Variants in DNAH5 observed in about 807,000 individuals in gnomAD.
The protein encoded by DNAH5 is dynein axonemal heavy chain 5.
In DNAH5, 372 loss-of-function variants were observed where a neutral mutation model predicts 518.2. The observed-to-expected ratio is 0.72, with a 90% CI of 0.66 to 0.78. The LOEUF (loss-of-function observed/expected upper bound fraction) is 0.78. Among genes scored for constraint, DNAH5 ranks in the 30% least tolerant of loss-of-function variants. The probability of loss-of-function intolerance (pLI) is 0.00; values close to 1 mark genes in which losing one functional copy is unlikely to be tolerated. For synonymous variants in DNAH5, 2,039 were observed against 2,025.9 expected, an observed-to-expected ratio of 1.01 and a Z score of -0.17; for missense variants, 5,523 against 5,687.0, an observed-to-expected ratio of 0.97 and a Z score of 0.93.
At chr5:13,699,377 T>A (rs1741777672) in intron 78 of DNAH5, among the ~76,000 whole-genome samples, 1 of 152,224 alleles carries the variant, frequency 6.6e-6, no homozygotes, top group Non-Finnish European at 1.5e-5. Context: ...CCTAAGGTTA[T>A]GGCTGGTAAC....
chr5:13,905,877 A>G (rs72634797), intron 12 of DNAH5, among the ~76,000 whole-genome samples: 12,702 of 152,274 alleles, frequency 0.083, 1,344 homozygotes, highest in African/African-American at 0.25. Flanking sequence ...TAACCAAGAT[A>G]TCTTTCAATG....
At chr5:13,969,198 T>C (rs1184510134) in intron 1 of DNAH5, among the ~76,000 whole-genome samples, 8 of 152,200 alleles carry the variant, frequency 5.3e-5, no homozygotes, top group Admixed American at 3.9e-4. Context: ...CTTATTTGGA[T>C]CTTCTCTCTT....
intron 23 of DNAH5, 51 bp downstream of exon 23, chr5:13,871,513 C>A: frequency 6.8e-7 from 1 of 1,461,312 alleles, no homozygotes; most frequent in South Asian, 1.1e-5. Flanking sequence ...GGTAAAGAGG[C>A]AGAACAATAA....
intron 15 of DNAH5, chr5:13,898,562 A>T: frequency 2.5e-6 from 1 of 398,582 alleles, no homozygotes; most frequent in Non-Finnish European, 4.4e-6. Flanking sequence ...TTCTGGTCTT[A>T]CTTCTGCCAC....
At chr5:13,954,073 T>C (rs996378448) in intron 1 of DNAH5, among the ~76,000 whole-genome samples, 1 of 152,156 alleles carries the variant, frequency 6.6e-6, no homozygotes, top group Non-Finnish European at 1.5e-5. Context: ...TGGTAAAATA[T>C]TTTTTCTACA....
At chr5:13,983,361 G>A (rs1782818820) in intron 1 of DNAH5, among the ~76,000 whole-genome samples, 1 of 152,170 alleles carries the variant, frequency 6.6e-6, no homozygotes, top group South Asian at 2.1e-4. Flanking sequence ...TGAACTTTTA[G>A]TTCTCAGGAA....
At chr5:13,969,214 C>A (rs923748946) in intron 1 of DNAH5, among the ~76,000 whole-genome samples, 1 of 152,084 alleles carries the variant, frequency 6.6e-6, no homozygotes, top group Non-Finnish European at 1.5e-5. Context: ...CTCTTCTCTT[C>A]TTAATTAATC....
chr5:13,993,627 C>A (rs886789700), intron 1 of DNAH5, among the ~76,000 whole-genome samples: 1 of 152,168 alleles, frequency 6.6e-6, no homozygotes, highest in Non-Finnish European at 1.5e-5. Flanking sequence ...AGCTTAAGGG[C>A]ATAAATAACG....
At chr5:13,713,359 T>C (rs192164186) in intron 75 of DNAH5, among the ~76,000 whole-genome samples, 1,393 of 121,656 alleles carry the variant, frequency 0.011, 14 homozygotes, top group African/African-American at 0.022. Context: ...ATATATATAC[T>C]GACATATATA....
chr5:13,909,638 T>C (rs1775746396), intron 12 of DNAH5, among the ~76,000 whole-genome samples: 1 of 152,186 alleles, frequency 6.6e-6, no homozygotes, highest in Admixed American at 6.5e-5. Flanking sequence ...TCTCTTTATT[T>C]TTGAATCCTC....
intron 35 of DNAH5, among the ~76,000 whole-genome samples, chr5:13,836,187 G>A (rs10060479): frequency 0.41 from 62,800 of 151,918 alleles, 13,387 homozygotes; most frequent in East Asian, 0.6. Flanking sequence ...GAAGACAACA[G>A]CAGGAGGGCA....
chr5:13,878,541 A>C (rs992119235), intron 21 of DNAH5, among the ~76,000 whole-genome samples: 3 of 152,158 alleles, frequency 2.0e-5, no homozygotes, highest in Non-Finnish European at 4.4e-5. Flanking sequence ...GCACTTCATG[A>C]GTGTTCCCTC....
chr5:13,807,581 G>C lies in DNAH5; in HGVS notation c.7887+10C>G, dbSNP rs1759819499. 6.2e-7 allele frequency: 1 copy of C among 1,613,108 alleles called. No individual in the cohort carries two copies. The highest frequency in any genetic ancestry group is 8.5e-7 in the Non-Finnish European group (1 of 1,179,424). On this transcript the variant is annotated intron_variant, in intron 47 of 78. Transcript: ENST00000265104. ...ATTGGGCTTACTGAGCCATACCAAAGAGCCAGTACCTGGAACATCAGTGGG... is the reference window on the plus strand; with the variant it reads ...ATTGGGCTTACTGAGCCATACCAAACAGCCAGTACCTGGAACATCAGTGGG...
chr5:13,764,198 TG>T (rs1403902613), intron 59 of DNAH5, among the ~76,000 whole-genome samples: 1 of 152,180 alleles, frequency 6.6e-6, no homozygotes, highest in Non-Finnish European at 1.5e-5. Flanking sequence ...CTGCCTTGGA[TG>T]TGGGCAAAGA....
chr5:13,965,132 A>C (rs1009338191), intron 1 of DNAH5, among the ~76,000 whole-genome samples: 2 of 152,174 alleles, frequency 1.3e-5, no homozygotes, highest in Non-Finnish European at 2.9e-5. Context: ...TAGAGGGTCA[A>C]CATGTGTTTC....
At chr5:13,837,725 C>T (rs1315785787) in intron 35 of DNAH5, among the ~76,000 whole-genome samples, 9 of 87,502 alleles carry the variant, frequency 1.0e-4, no homozygotes, top group African/African-American at 3.5e-4. Flanking sequence ...TTTTTTGAGA[C>T]GGAGTTTTGC....
chr5:13,751,035 C>T, intron 65 of DNAH5, 43 bp downstream of exon 65: 2 of 1,595,614 alleles, frequency 1.3e-6, no homozygotes, highest in East Asian at 2.2e-5. Flanking sequence ...TGAAATATGA[C>T]ATTAAAGCAA....
intron 52 of DNAH5, 95 bp downstream of exon 52, chr5:13,786,084 C>T: frequency 7.9e-7 from 1 of 1,273,050 alleles, no homozygotes; most frequent in Non-Finnish European, 1.1e-6. Flanking sequence ...ACTGAAGATT[C>T]TCCTAGGAAA....
chr5:13,751,296 A>G, intron 64 of DNAH5, 36 bp from the exon 65 acceptor site: 1 of 1,523,578 alleles, frequency 6.6e-7, no homozygotes, highest in East Asian at 2.4e-5. Flanking sequence ...GTAATAAAAT[A>G]GAGATATACC....
Sources: gnomAD v4.1 joint callset for allele counts (sites outside exome capture counted in the v4.1 genomes callset) on GRCh38, gnomAD v4.1.1 for gene constraint, MANE v1.5 for transcripts, NCBI Gene and HGNC (gene_info 2026-07-23, HGNC 2026-07-21) for gene names.